The following HAPLN4 variants were observed in gnomAD, a reference collection of about 807,000 sequenced individuals.
HAPLN4 encodes brain link protein 2.
In HAPLN4, 19 loss-of-function variants were observed where a neutral mutation model predicts 28.0. That is an observed-to-expected ratio of 0.68 (90% CI 0.47 to 1.00). The LOEUF is 1.00. HAPLN4 is among the 50% of genes least tolerant of loss of function. The pLI is 0.00. For missense variants in HAPLN4, 587 were observed against 602.6 expected (o/e 0.97, Z 0.27); for synonymous variants, 274 against 273.0 (o/e 1.00, Z -0.03).
At chr19:19,261,615 G>C in intron 1 of HAPLN4, 52 bp from the exon 2 acceptor site, 1 of 1,251,210 alleles carries the variant, frequency 8.0e-7, no homozygotes, top group Non-Finnish European at 1.1e-6. Context: ...TTGGCTTTTC[G>C]GAGGCCTGGC....
chr19:19,259,374 T>A (rs2060976527), intron 3 of HAPLN4, among the ~76,000 whole-genome samples: 1 of 152,230 alleles, frequency 6.6e-6, no homozygotes, highest in South Asian at 2.1e-4. Context: ...GGTTCCCTTC[T>A]ACCTTCAGTT....
rs1013612685 is a variant in HAPLN4 at position 19,255,211 on chromosome 19, G to A, written c.*2606C>T. The stretch of plus-strand genomic sequence containing the variant: ...AGAAAGAGGAGCAAGAGATTGGGGA[G>A]GTGGGGGAGGAATGAAGGACCCCAC... On this transcript the variant is annotated 3_prime_UTR_variant, in exon 5 of 5. Transcript: ENST00000291481. The A allele has an allele frequency of 8.5e-5, 13 of 152,206 alleles. No individual in the cohort carries two copies. The highest frequency in any genetic ancestry group is 3.1e-4 in the African/African-American group (13 of 41,402). 9.4% of individuals were successfully genotyped at this position (152,206 alleles called of 1,614,324 possible).
chr19:19,258,076 C>A lies in HAPLN4; in HGVS notation c.950G>T (p.Arg317Leu). The change falls in exon 5 of 5, where the codon CGC becomes CTC. Residue 317 changes from arginine to leucine, a missense_variant. Arg to Leu is a moderately radical substitution (Grantham distance 102, BLOSUM62 -2). Transcript: ENST00000291481. The surrounding 1 kb of genome is among the most constrained non-coding windows in gnomAD (Gnocchi z 6.2). ...FAAWKLQLLD[R>L]CTAGWLADGS... ...ATCGGCCAGCCAACCCGCGGTGCAGCGGTCTAGCAGCTGCAGCTTCCACGC... is the reference window on the plus strand; with the variant it reads ...ATCGGCCAGCCAACCCGCGGTGCAGAGGTCTAGCAGCTGCAGCTTCCACGC... 1.3e-6 allele frequency: 2 copies of A among 1,555,244 alleles called. No homozygotes were observed. The highest frequency in any genetic ancestry group is 2.4e-5 in the East Asian group (1 of 42,312).
rs115875400 is a variant in HAPLN4, at chr19:19,256,974, T to G, written c.*843A>C. 138 of 152,656 alleles carry G rather than the reference T, an allele frequency of 9.0e-4. 1 individual carries two copies. Among genetic ancestry groups the G allele is most frequent in the African/African-American group, 3.1e-3 (130 of 41,492 alleles). 9.5% of individuals were successfully genotyped at this position (152,656 alleles called of 1,614,324 possible). On this transcript the variant is annotated 3_prime_UTR_variant, in exon 5 of 5. Transcript: ENST00000291481. Reference sequence around the variant, plus strand: ...CTCTGCATAACTAGTGACATGGATCTTACCGGTCCCCAGGCCTGGGAAGAT... The same window carrying G: ...CTCTGCATAACTAGTGACATGGATCGTACCGGTCCCCAGGCCTGGGAAGAT...
In HAPLN4 at chr19:19,262,765, ACGCACCCGGACTGCGCTCCCCG is replaced by A; in HGVS notation, c.-55_-34del. The A allele has an allele frequency of 6.2e-7, 1 of 1,606,934 alleles. No homozygotes were observed. Among genetic ancestry groups the A allele is most frequent in the Non-Finnish European group, 8.5e-7 (1 of 1,176,500 alleles). ...GCGCGGCCCCCGCCGAGCGGCCCCT[ACGCACCCGGACTGCGCTCCCCG>A]CACACCCGGTTAAGACTGGGCAGGT... is the stretch of plus-strand genomic sequence containing the variant. On this transcript the variant is annotated 5_prime_UTR_variant, in exon 1 of 5. Coordinates refer to ENST00000291481, the MANE Select transcript of HAPLN4 (RefSeq NM_023002.3).
At chr19:19,262,014 A>C (rs2060985392) in intron 1 of HAPLN4, among the ~76,000 whole-genome samples, 3 of 151,674 alleles carry the variant, frequency 2.0e-5, no homozygotes, top group African/African-American at 7.3e-5. Context: ...ACAGGGACAG[A>C]GAGAAAGGCA....
chr19:19,261,773 G>T (rs1046922804), intron 1 of HAPLN4: 2 of 485,108 alleles, frequency 4.1e-6, no homozygotes. Flanking sequence ...ACTCCCCCCC[G>T]CCCTCAGTCC....
At position 19,257,116 on chromosome 19, in the gene HAPLN4, T is replaced by A. The variant is rs535566715; in HGVS notation, c.*701A>T. The stretch of plus-strand genomic sequence containing the variant: ...CCCCAGTAAGTGAGCCAGCTGGCTG[T>A]GTGTCAGTCTGAGGTGGCAGATGGG... On this transcript the variant is annotated 3_prime_UTR_variant, in exon 5 of 5. Coordinates refer to ENST00000291481, the MANE Select transcript of HAPLN4 (RefSeq NM_023002.3). The A allele has an allele frequency of 6.6e-6, 1 of 152,220 alleles. No individual in the cohort carries two copies. The highest frequency in any genetic ancestry group is 1.9e-4 in the East Asian group (1 of 5,172). 9.4% of individuals were successfully genotyped at this position (152,220 alleles called of 1,614,324 possible). A position where few individuals can be genotyped will look rare whatever the true frequency, so the allele number is the denominator to read the frequency against.
chr19:19,261,320 A>T, intron 2 of HAPLN4, 126 bp downstream of exon 2: 1 of 1,236,938 alleles, frequency 8.1e-7, no homozygotes, highest in Admixed American at 1.8e-5. Flanking sequence ...GGAGAGGGCG[A>T]GGGGCTCAGA....
In HAPLN4 at chr19:19,261,475, C is replaced by T; in HGVS notation, c.92G>A (p.Arg31His). 3 of 1,612,282 alleles carry T rather than the reference C, an allele frequency of 1.9e-6. No homozygotes were observed. The highest frequency in any genetic ancestry group is 2.5e-6 in the Non-Finnish European group (3 of 1,179,744). Reference protein sequence around the residue: ...LLLTAPAGAQRGRKKVVHVLE... With the variant: ...LLLTAPAGAQHGRKKVVHVLE... ...CACGTGCACGACCTTCTTCCGGCCA[C>T]GCTGCGCCCCCGCAGGGGCTGTGAG... The change falls in exon 2 of 5, where the codon CGT becomes CAT. Residue 31 changes from arginine to histidine, a missense_variant. Arg to His is a conservative substitution (Grantham distance 29). Coordinates refer to ENST00000291481, the MANE Select transcript of HAPLN4 (RefSeq NM_023002.3).
chr19:19,256,204 G>T lies in HAPLN4; in HGVS notation c.*1613C>A, dbSNP rs540850998. ...CAGACCAGGGCACGCCATAGGCTCG[G>T]TTTCCTCATTTGTAGGACGACGACA... On this transcript the variant is annotated 3_prime_UTR_variant, in exon 5 of 5. Transcript: ENST00000291481. 9 of 152,218 alleles carry T rather than the reference G, an allele frequency of 5.9e-5. No homozygotes were observed. The highest frequency in any genetic ancestry group is 1.3e-4 in the Non-Finnish European group (9 of 68,046). The allele number at this position is 152,218 out of a possible 1,614,324, so 9.4% of individuals were successfully genotyped here. A position where few individuals can be genotyped will look rare whatever the true frequency, so the allele number is the denominator to read the frequency against.
chr19:19,256,798 A>C lies in HAPLN4; in HGVS notation c.*1019T>G, dbSNP rs2060966948. On this transcript the variant is annotated 3_prime_UTR_variant, in exon 5 of 5. Coordinates refer to ENST00000291481, the MANE Select transcript of HAPLN4 (RefSeq NM_023002.3). ...GAGGTCTCTGGGGTGGGGGCCAATG[A>C]GATGAGAAATGTGTGGTATCCATGG... The C allele has an allele frequency of 2.0e-5, 3 of 152,640 alleles. No individual in the cohort carries two copies. Among genetic ancestry groups the C allele is most frequent in the African/African-American group, 7.3e-5 (3 of 41,372 alleles). 9.5% of individuals were successfully genotyped at this position (152,640 alleles called of 1,614,324 possible).
rs753810367 is a variant in HAPLN4, at chr19:19,255,675, G to T, written c.*2142C>A. On this transcript the variant is annotated 3_prime_UTR_variant, in exon 5 of 5. Coordinates refer to ENST00000291481, the MANE Select transcript of HAPLN4 (RefSeq NM_023002.3). ...TCATCAAAAGAAACAAGGATTTATT[G>T]AGCCCCTACTGTATGCTTGGCACTC... 6.6e-6 allele frequency: 1 copy of T among 152,244 alleles called. No homozygotes were observed. The highest frequency in any genetic ancestry group is 1.5e-5 in the Non-Finnish European group (1 of 68,082). 9.4% of individuals were successfully genotyped at this position (152,244 alleles called of 1,614,324 possible). A position where few individuals can be genotyped will look rare whatever the true frequency, so the allele number is the denominator to read the frequency against.
intron 3 of HAPLN4, among the ~76,000 whole-genome samples, chr19:19,260,468 C>G (rs1048255897): frequency 6.6e-6 from 1 of 152,170 alleles, no homozygotes; most frequent in Non-Finnish European, 1.5e-5. Flanking sequence ...CCGCCTGCCT[C>G]AACCTCCCAA....
At position 19,255,165 on chromosome 19, in the gene HAPLN4, C is replaced by G. The variant is rs1470537493; in HGVS notation, c.*2652G>C. 6.6e-6 allele frequency: 1 copy of G among 152,054 alleles called. No homozygotes were observed. Among genetic ancestry groups the G allele is most frequent in the African/African-American group, 2.4e-5 (1 of 41,348 alleles). 9.4% of individuals were successfully genotyped at this position (152,054 alleles called of 1,614,324 possible). ...CCCATGGTGGGTGGCTAAAGGGAGACAGTGGGCACAGGATGGGGGAAGAAA... is the reference window on the plus strand; with the variant it reads ...CCCATGGTGGGTGGCTAAAGGGAGAGAGTGGGCACAGGATGGGGGAAGAAA... On this transcript the variant is annotated 3_prime_UTR_variant, in exon 5 of 5. Coordinates refer to ENST00000291481, the MANE Select transcript of HAPLN4 (RefSeq NM_023002.3).
Position 19,258,823 on chromosome 19 carries a change from G to T in HAPLN4, c.517C>A (p.Arg173=). 1 of 1,579,070 alleles carries T rather than the reference G, an allele frequency of 6.3e-7. No homozygotes were observed. The highest frequency in any genetic ancestry group is 1.2e-5 in the South Asian group (1 of 86,464). The change falls in exon 4 of 5, where the codon CGA becomes AGA. Residue 173 remains arginine, a synonymous_variant. Coordinates refer to ENST00000291481, the MANE Select transcript of HAPLN4 (RefSeq NM_023002.3). This position sits in a 1 kb window ranked among gnomAD's most constrained non-coding sequence, Gnocchi z 6.2. The part of the protein sequence containing the change: ...VVFPYHPRGG[R]YKLTFAEAQR... ...GCCTCCGCGAAGGTCAGCTTGTATCGGCCTCCACGGGGGTGGTAGGGAAAG... is the reference window on the plus strand; with the variant it reads ...GCCTCCGCGAAGGTCAGCTTGTATCTGCCTCCACGGGGGTGGTAGGGAAAG...
chr19:19,261,108 G>A lies in HAPLN4; in HGVS notation c.189C>T (p.Thr63=), dbSNP rs757405775. Residue 63 remains threonine, a synonymous_variant, in exon 3 of 5, where the codon ACC becomes ACT. Transcript: ENST00000291481. The stretch of plus-strand genomic sequence containing the variant: ...AGTGGTAGCGGCAGGGCAAGACGAT[G>A]GTGCCACCACGGTGGCTTACCACCT... ...PGQVVSHRGG[T]IVLPCRYHYE... is the part of the protein sequence containing the mutation. The A allele has an allele frequency of 6.2e-7, 1 of 1,612,026 alleles. No individual in the cohort carries two copies. Among genetic ancestry groups the A allele is most frequent in the Non-Finnish European group, 8.5e-7 (1 of 1,179,416 alleles).
At chr19:19,261,218 A>G in intron 2 of HAPLN4, 43 bp from the exon 3 acceptor site, 1 of 1,557,404 alleles carries the variant, frequency 6.4e-7, no homozygotes, top group Non-Finnish European at 8.7e-7. Flanking sequence ...GCCTAGGGGC[A>G]GAAGGGGGCC....
At chr19:19,259,265 G>A (rs549673310) in intron 3 of HAPLN4, among the ~76,000 whole-genome samples, 61 of 152,214 alleles carry the variant, frequency 4.0e-4, no homozygotes, top group African/African-American at 1.3e-3. Flanking sequence ...CGGAGCCTGC[G>A]TTCAGTGCTG....
Sources: gnomAD v4.1 joint callset for allele counts (sites outside exome capture counted in the v4.1 genomes callset) on GRCh38, gnomAD v4.1.1 for gene constraint, Gnocchi (gnomAD v3.1) non-coding constraint, MANE v1.5 for transcripts, NCBI Gene and HGNC (gene_info 2026-07-23, HGNC 2026-07-21) for gene names.